Variants in LYST observed in about 807,000 individuals in gnomAD.
The protein encoded by LYST is lysosomal trafficking regulator.
Under a neutral mutation model 413.6 loss-of-function variants are expected in LYST, and 192 were observed. The observed-to-expected ratio is 0.46, with a 90% CI of 0.41 to 0.52. The LOEUF is 0.52. LYST is among the 20% of genes least tolerant of loss of function. LYST has a pLI of 0.00. For synonymous variants in LYST, 1,525 were observed against 1,567.3 expected (o/e 0.97, Z 0.64); for missense variants, 3,815 against 4,499.9 (o/e 0.85, Z 4.35).
At chr1:235,753,373 T>A (rs1666689604) in intron 25 of LYST, 99 bp from the exon 26 acceptor site, 1 of 780,144 alleles carries the variant, frequency 1.3e-6, no homozygotes. Context: ...GATTTTGAAG[T>A]CATAAAAACA....
chr1:235,781,126 C>T, intron 15 of LYST, 71 bp from the exon 16 acceptor site: 1 of 943,218 alleles, frequency 1.1e-6, no homozygotes, highest in Admixed American at 2.0e-5. Flanking sequence ...AAGCAAGAAA[C>T]CAGGAATTAT....
chr1:235,679,201 G>A (rs1659618875), intron 48 of LYST, among the ~76,000 whole-genome samples: 1 of 152,154 alleles, frequency 6.6e-6, no homozygotes, highest in South Asian at 2.1e-4. Flanking sequence ...AGCAAGAGTA[G>A]TAAGCCTGGA....
chr1:235,755,907 C>G (rs1278988456), intron 24 of LYST, among the ~76,000 whole-genome samples: 1 of 152,054 alleles, frequency 6.6e-6, no homozygotes, highest in East Asian at 1.9e-4. Flanking sequence ...GCATGGACAC[C>G]TGGTAGACTG....
upstream of LYST, among the ~76,000 whole-genome samples, chr1:235,870,343 A>G (rs2103225175): frequency 1.3e-5 from 2 of 152,324 alleles, no homozygotes; most frequent in South Asian, 4.1e-4. Flanking sequence ...GTTTTGGCCA[A>G]TCAAATGTAG....
chr1:235,688,021 C>G (rs1485588598), intron 47 of LYST, among the ~76,000 whole-genome samples: 1 of 152,190 alleles, frequency 6.6e-6, no homozygotes, highest in East Asian at 1.9e-4. Flanking sequence ...CCATAAGGAT[C>G]CATTGGATCC....
chr1:235,845,083 T>A (rs551334881), intron 1 of LYST, among the ~76,000 whole-genome samples: 1 of 152,112 alleles, frequency 6.6e-6, no homozygotes, highest in East Asian at 1.9e-4. Context: ...AAACCAGCAA[T>A]CCCGAGAGGA....
intron 40 of LYST, 28 bp downstream of exon 40, chr1:235,720,633 C>T (rs183229578): frequency 6.2e-7 from 1 of 1,609,998 alleles, no homozygotes. Flanking sequence ...ATGGATGAAC[C>T]CTAAAGGTGA....
chr1:235,812,556 G>A (rs1172089688), intron 4 of LYST, among the ~76,000 whole-genome samples: 1 of 149,580 alleles, frequency 6.7e-6, no homozygotes, highest in East Asian at 1.9e-4. Flanking sequence ...GAAAAACTAA[G>A]CTAAAACAAA....
chr1:235,802,636 T>C lies in LYST; in HGVS notation c.3712+272A>G, dbSNP rs72763423. On this transcript the variant is annotated intron_variant, in intron 8 of 52. Transcript: ENST00000389793. Reference sequence around the variant, plus strand: ...TTTTATTATCTATTTCTGGTATTTATTGTCTTTCACACTAGAATATACATG... The same window carrying C: ...TTTTATTATCTATTTCTGGTATTTACTGTCTTTCACACTAGAATATACATG... Among the ~76,000 whole-genome samples the C allele has an allele frequency of 0.11, 16,273 of 152,262 alleles. 974 individuals carry two copies. Among genetic ancestry groups the C allele is most frequent in the Middle Eastern group, 0.18 (53 of 294 alleles).
Position 235,689,026 on chromosome 1 carries a change from T to TAACAAC in LYST, c.10702-1985_10702-1980dup, listed in dbSNP as rs1184158926. Reference sequence around the variant, plus strand: ...ATAATAATAATAATAATAATAATAATAACAACAACAACAACAACAACAATA... The same window carrying TAACAAC: ...ATAATAATAATAATAATAATAATAATAACAACAACAACAACAACAACAACAACAATA... On this transcript the variant is annotated intron_variant, in intron 47 of 52. Transcript: ENST00000389793. 5.9e-4 allele frequency among the ~76,000 whole-genome samples: 55 copies of TAACAAC among 92,968 alleles called. No individual in the cohort carries two copies. In the East Asian group the frequency reaches 6.2e-3, roughly 10 times the overall value. 61.0% of individuals were successfully genotyped at this position (92,968 alleles called of 152,430 possible).
rs534142793 is a variant in LYST at position 235,810,102 on chromosome 1, C to T, written c.716G>A (p.Ser239Asn). Reference protein sequence around the residue: ...PRQGSNTDILSEPAALSVISN... With the variant: ...PRQGSNTDILNEPAALSVISN... ...GATAACAGACAAGGCAGCTGGCTCA[C>T]TTAAAATGTCAGTGTTTGACCCCTG... Residue 239 changes from serine to asparagine, a missense_variant, in exon 5 of 53, where the codon AGT (serine) becomes AAT (asparagine). Ser to Asn is a conservative substitution (Grantham distance 46). Around this residue, in one of 4 missense-constraint regions of LYST, gnomAD observed 1,648 missense variants for 1,810.3 expected, o/e 0.91. Coordinates refer to ENST00000389793, the MANE Select transcript of LYST (RefSeq NM_000081.4). 94 of 1,614,036 alleles carry T rather than the reference C, an allele frequency of 5.8e-5. 1 individual carries two copies. The South Asian group carries it at 1.0e-3, about 18-fold the overall frequency.
intron 42 of LYST, chr1:235,713,046 C>G (rs1662532018): frequency 2.0e-6 from 2 of 985,410 alleles, no homozygotes; most frequent in Non-Finnish European, 2.4e-6. Context: ...GAGACTGCCA[C>G]AAACACATCG....
rs1661201980 is a variant in LYST, at chr1:235,697,481, G to A, written c.10375-209C>T. Among the ~76,000 whole-genome samples the A allele has an allele frequency of 2.0e-5, 3 of 151,882 alleles. No individual in the cohort carries two copies. The South Asian group carries it at 6.2e-4, about 32-fold the overall frequency. On this transcript the variant is annotated intron_variant, in intron 45 of 52. Coordinates refer to ENST00000389793, the MANE Select transcript of LYST (RefSeq NM_000081.4). The stretch of plus-strand genomic sequence containing the variant: ...TATTTGAGTTTTACTCTGTGGTTCT[G>A]GCCTAATTTGCATGAAAATATGTGG...
intron 28 of LYST, 97 bp from the exon 29 acceptor site, chr1:235,746,624 A>G: frequency 1.2e-6 from 1 of 846,454 alleles, no homozygotes; most frequent in Non-Finnish European, 2.0e-6. Flanking sequence ...GACCATGAAA[A>G]CAACCTTATT....
intron 37 of LYST, among the ~76,000 whole-genome samples, chr1:235,729,327 GA>G (rs1161386713): frequency 2.0e-5 from 3 of 151,996 alleles, no homozygotes; most frequent in African/African-American, 4.8e-5. Flanking sequence ...TATAATAAAA[GA>G]AATGGTTAAA....
rs747965676 is a variant in LYST at position 235,810,533 on chromosome 1, A to C, written c.285T>G (p.Asp95Glu). 9.8e-5 allele frequency: 157 copies of C among 1,609,924 alleles called. No individual in the cohort carries two copies. Among genetic ancestry groups the C allele is most frequent in the Non-Finnish European group, 1.3e-4 (148 of 1,179,608 alleles). Residue 95 changes from aspartate (D) to glutamate (E), a missense_variant and splice_region_variant, in exon 5 of 53, where the codon GAT becomes GAG. By Grantham distance (45) the Asp-to-Glu change is conservative. Coordinates refer to ENST00000389793, the MANE Select transcript of LYST (RefSeq NM_000081.4). Reference sequence around the variant, plus strand: ...TATCTGCTGAGAGCGGTAGGTTAAAATCTAATGGAATGAAAAAAGAAGGCT... The same window carrying C: ...TATCTGCTGAGAGCGGTAGGTTAAACTCTAATGGAATGAAAAAAGAAGGCT... ...KIPVQEEKAT[D>E]FNLPLSADII...
upstream of LYST, among the ~76,000 whole-genome samples, chr1:235,869,747 C>T (rs761466745): frequency 4.0e-5 from 6 of 151,878 alleles, no homozygotes; most frequent in Non-Finnish European, 8.8e-5. Context: ...TGGCTCTCCG[C>T]TTCTCTCAGA....
intron 47 of LYST, among the ~76,000 whole-genome samples, chr1:235,688,984 A>AAATAATAAT (rs35849101): frequency 0.023 from 3,179 of 135,882 alleles, 50 homozygotes; most frequent in South Asian, 0.028. Context: ...ACTCCGTCTC[A>AAATAATAAT]AATAATAATA....
Position 235,808,759 on chromosome 1 carries a change from A to G in LYST, c.2059T>C (p.Leu687=), listed in dbSNP as rs1239301455. ...GCCTTTAAAGCATCCCATTTCCACA[A>G]CAAATCTTCAGATCCACTGCTGGGC... ...ILPSSGSEDL[L]WKWDALKAYQ... is the part of the protein sequence containing the mutation. Residue 687 remains leucine (L), a synonymous_variant, in exon 5 of 53, where the codon TTG becomes CTG. Transcript: ENST00000389793. The G allele has an allele frequency of 6.2e-7, 1 of 1,614,000 alleles. No homozygotes were observed. The highest frequency in any genetic ancestry group is 1.1e-5 in the South Asian group (1 of 91,088).
Sources: gnomAD v4.1 joint callset for allele counts (sites outside exome capture counted in the v4.1 genomes callset) on GRCh38, gnomAD v4.1.1 for gene constraint, gnomAD v4.1.1 regional missense constraint, MANE v1.5 for transcripts, NCBI Gene and HGNC (gene_info 2026-07-23, HGNC 2026-07-21) for gene names.